Variants in CTNNA2 observed in about 807,000 individuals in gnomAD.
CTNNA2 encodes catenin alpha-2.
CTNNA2 carries 42 observed loss-of-function variants against 101.0 expected under a neutral mutation model. The ratio of observed to expected loss-of-function variants is 0.42; its 90% confidence interval spans 0.32 to 0.54. The LOEUF (loss-of-function observed/expected upper bound fraction) is 0.54, where lower values mean the gene tolerates loss of function less well. Ranked by LOEUF, CTNNA2 falls within the 20% of genes least tolerant of loss-of-function variation. The pLI is 0.14. For synonymous variants in CTNNA2, 450 were observed against 456.4 expected, an observed-to-expected ratio of 0.99 and a Z score of 0.18; for missense variants, 871 against 1,223.1, an observed-to-expected ratio of 0.71 and a Z score of 4.29.
intron 7 of CTNNA2, among the ~76,000 whole-genome samples, chr2:80,096,953 C>T (rs1700194945): frequency 6.6e-6 from 1 of 152,038 alleles, no homozygotes. Context: ...GTCTTGACTC[C>T]TTATCCAATT....
intron 3 of CTNNA2, among the ~76,000 whole-genome samples, chr2:79,754,049 A>G (rs1672233776): frequency 6.6e-6 from 1 of 151,656 alleles, no homozygotes; most frequent in Non-Finnish European, 1.5e-5. Flanking sequence ...TTGTATTTCT[A>G]GTAGAGACAG....
At chr2:79,789,016 G>A (rs1400344821) in intron 3 of CTNNA2, among the ~76,000 whole-genome samples, 4 of 152,126 alleles carry the variant, frequency 2.6e-5, no homozygotes, top group African/African-American at 4.8e-5. Flanking sequence ...AATAGTAATA[G>A]CTAATGTTTA....
chr2:80,199,713 G>C (rs984267940), intron 7 of CTNNA2, among the ~76,000 whole-genome samples: 2 of 152,198 alleles, frequency 1.3e-5, no homozygotes, highest in Non-Finnish European at 1.5e-5. Context: ...CACAAGGTGG[G>C]TATTTGTTTA....
Position 80,302,734 on chromosome 2 carries a change from C to A in CTNNA2, c.1057-90477C>A. 1 of 1,613,126 alleles carries A rather than the reference C, an allele frequency of 6.2e-7. No individual in the cohort carries two copies. Among genetic ancestry groups the A allele is most frequent in the South Asian group, 1.1e-5 (1 of 91,036 alleles). On this transcript the variant is annotated intron_variant, in intron 7 of 18. Coordinates refer to ENST00000402739, the MANE Select transcript of CTNNA2 (RefSeq NM_001282597.3). This position sits in a 1 kb window ranked among gnomAD's most constrained non-coding sequence, Gnocchi z 6.4. ...TGGTGGGCTCGGCCCCATCCTCGCA[C>A]AGGTGGAAGGCGTACACGGCGTCCA...
chr2:79,292,530 C>G (rs1297136467), intron 2 of CTNNA2, among the ~76,000 whole-genome samples: 1 of 152,116 alleles, frequency 6.6e-6, no homozygotes, highest in African/African-American at 2.4e-5. Flanking sequence ...AAAGATGAAG[C>G]TTTCTTTTAG....
intron 7 of CTNNA2, among the ~76,000 whole-genome samples, chr2:79,911,545 C>T (rs1161520304): frequency 1.3e-5 from 2 of 152,226 alleles, no homozygotes; most frequent in African/African-American, 4.8e-5. Context: ...AGTGTAATCT[C>T]ATGCAGATCA....
chr2:80,021,226 C>T (rs1253868308), intron 7 of CTNNA2, among the ~76,000 whole-genome samples: 1 of 151,852 alleles, frequency 6.6e-6, no homozygotes, highest in Non-Finnish European at 1.5e-5. Flanking sequence ...CATCATGTCA[C>T]CCAGGATGGT....
intron 9 of CTNNA2, among the ~76,000 whole-genome samples, chr2:80,506,467 C>T (rs1237389561): frequency 6.6e-6 from 1 of 151,922 alleles, no homozygotes; most frequent in African/African-American, 2.4e-5. Context: ...GAGGTCAGGT[C>T]AAAGAGGGAA....
upstream of CTNNA2, among the ~76,000 whole-genome samples, chr2:79,509,669 T>C (rs1671493505): frequency 6.6e-6 from 1 of 152,106 alleles, no homozygotes; most frequent in Admixed American, 6.5e-5. Flanking sequence ...GATACCATAG[T>C]GGTGGATACA....
In CTNNA2 at chr2:80,648,234, G is replaced by A. The variant is rs1200841369; in HGVS notation, c.*362G>A. ...CATGCAAGAATCATTAGGTTGGCAGGTATATGCATAAGTGAAAAATCTGGA... is the reference window on the plus strand; with the variant it reads ...CATGCAAGAATCATTAGGTTGGCAGATATATGCATAAGTGAAAAATCTGGA... On this transcript the variant is annotated 3_prime_UTR_variant, in exon 19 of 19. Coordinates refer to ENST00000402739, the MANE Select transcript of CTNNA2 (RefSeq NM_001282597.3). The A allele has an allele frequency of 1.2e-5, 2 of 164,228 alleles. No homozygotes were observed. Among genetic ancestry groups the A allele is most frequent in the African/African-American group, 4.8e-5 (2 of 41,766 alleles). The allele number at this position is 164,228 out of a possible 1,614,324, so 10.2% of individuals were successfully genotyped here. A position where few individuals can be genotyped will look rare whatever the true frequency, so the allele number is the denominator to read the frequency against.
chr2:79,770,753 TCTC>T (rs1186603003), intron 3 of CTNNA2, among the ~76,000 whole-genome samples: 1 of 152,242 alleles, frequency 6.6e-6, no homozygotes, highest in African/African-American at 2.4e-5. Flanking sequence ...ATAATATGTT[TCTC>T]ATTTTATTGT....
rs74497604 is a variant in CTNNA2, at chr2:80,202,111, G to T, written c.1057-191100G>T. Among the ~76,000 whole-genome samples the T allele has an allele frequency of 2.0e-4, 31 of 152,272 alleles. No homozygotes were observed. In the East Asian group the frequency reaches 6.0e-3, roughly 29 times the overall value. On this transcript the variant is annotated intron_variant, in intron 7 of 18. Transcript: ENST00000402739. ...TTATGTTTACTTTTCATTATCAGCA[G>T]AATATGCATATGACTATAAGTCTTC...
intron 3 of CTNNA2, among the ~76,000 whole-genome samples, chr2:79,332,292 A>AAAG (rs1382968399): frequency 6.0e-5 from 5 of 83,532 alleles, no homozygotes; most frequent in African/African-American, 2.6e-4. Flanking sequence ...AGGCACTGCA[A>AAAG]AAGAAGAAGA....
At chr2:80,148,480 A>G (rs75279870) in intron 7 of CTNNA2, among the ~76,000 whole-genome samples, 2,232 of 152,358 alleles carry the variant, frequency 0.015, 53 homozygotes, top group African/African-American at 0.05. Context: ...CTGCAGGGGC[A>G]AACTGAGGCA....
At chr2:79,831,865 A>G (rs1678955687) in intron 3 of CTNNA2, among the ~76,000 whole-genome samples, 2 of 151,396 alleles carry the variant, frequency 1.3e-5, no homozygotes, top group African/African-American at 4.8e-5. Flanking sequence ...CTAAATCGTT[A>G]CAAATAATCC....
chr2:80,031,497 A>G (rs1039683549), intron 7 of CTNNA2, among the ~76,000 whole-genome samples: 5 of 152,166 alleles, frequency 3.3e-5, no homozygotes. Flanking sequence ...AAAGAATCAA[A>G]TCTTGTGAGA....
intron 14 of CTNNA2, among the ~76,000 whole-genome samples, chr2:80,588,376 T>C (rs1486536225): frequency 6.6e-6 from 1 of 152,152 alleles, no homozygotes; most frequent in Non-Finnish European, 1.5e-5. Flanking sequence ...GTACGAGAGC[T>C]GAAAAAGGAA....
At chr2:79,287,608 C>T (rs2104363703) in intron 2 of CTNNA2, among the ~76,000 whole-genome samples, 1 of 151,290 alleles carries the variant, frequency 6.6e-6, no homozygotes, top group East Asian at 1.9e-4. Flanking sequence ...TGCCCATTCT[C>T]AGATCTCCTG....
intron 4 of CTNNA2, among the ~76,000 whole-genome samples, chr2:79,416,531 A>G (rs979269592): frequency 6.6e-6 from 1 of 151,600 alleles, no homozygotes; most frequent in Non-Finnish European, 1.5e-5. Context: ...ATTGGGCAAA[A>G]CCCCACATTC....
Sources: gnomAD v4.1 joint callset for allele counts (sites outside exome capture counted in the v4.1 genomes callset) on GRCh38, gnomAD v4.1.1 for gene constraint, Gnocchi (gnomAD v3.1) non-coding constraint, MANE v1.5 for transcripts, NCBI Gene and HGNC (gene_info 2026-07-23, HGNC 2026-07-21) for gene names.